CYP2C8: variants seen among roughly 807,000 people sequenced by gnomAD.
CYP2C8 encodes cytochrome P450 family 2 subfamily C member 8, also known as cytochrome P450 2C8.
CYP2C8 carries 51 observed loss-of-function variants against 41.3 expected under a neutral mutation model. The observed-to-expected ratio is 1.24, with a 90% CI of 0.99 to 1.56. The LOEUF (loss-of-function observed/expected upper bound fraction) is 1.56. Among genes scored for constraint, CYP2C8 ranks in the 40% most tolerant of loss-of-function variants. The pLI is 0.00. For missense variants in CYP2C8, 651 were observed against 579.9 expected (o/e 1.12, Z -1.26); for synonymous variants, 218 against 205.8 (o/e 1.06, Z -0.51).
intron 5 of CYP2C8, among the ~76,000 whole-genome samples, chr10:95,054,040 A>C (rs965092997): frequency 6.6e-6 from 1 of 152,170 alleles, no homozygotes; most frequent in Non-Finnish European, 1.5e-5. Flanking sequence ...AAAATCTAAA[A>C]GCTTATGCCC....
chr10:95,043,300 A>G (rs1434997460), intron 6 of CYP2C8, among the ~76,000 whole-genome samples: 1 of 152,236 alleles, frequency 6.6e-6, no homozygotes, highest in Non-Finnish European at 1.5e-5. Flanking sequence ...ATTTCTATAA[A>G]TTAGCATATA....
At position 95,038,984 on chromosome 10, in the gene CYP2C8, G is replaced by A. The variant is rs767654252; in HGVS notation, c.1204C>T (p.Pro402Ser). The change falls in exon 8 of 9, where the codon CCT (proline) becomes TCT (serine). Residue 402 changes from proline to serine, a missense_variant. Transcript: ENST00000371270. ...CCAGGGTCAAAGATATTTGGATTAG[G>A]AAATTCTTTGTCATCATGTAGCACG... ...TSVLHDDKEF[P>S]NPNIFDPGHF... The A allele has an allele frequency of 1.9e-6, 3 of 1,613,284 alleles. No individual in the cohort carries two copies. The highest frequency in any genetic ancestry group is 1.3e-5 in the African/African-American group (1 of 74,888).
chr10:95,047,598 A>G (rs1218784938), intron 5 of CYP2C8, among the ~76,000 whole-genome samples: 1 of 152,220 alleles, frequency 6.6e-6, no homozygotes, highest in Non-Finnish European at 1.5e-5. Flanking sequence ...TAAGTTCAGG[A>G]ATAAATAGGA....
In CYP2C8 at chr10:95,062,469, CT is replaced by C. The variant is rs1339758205; in HGVS notation, c.642+2330del. ...CAGAGATTAGGATTGCAACCCCTGC[CT>C]TTTTTTGTTTTCCATTTGCTTGATA... On this transcript the variant is annotated intron_variant, in intron 4 of 8. Coordinates refer to ENST00000371270, the MANE Select transcript of CYP2C8 (RefSeq NM_000770.3). Among the ~76,000 whole-genome samples, 6 of 152,132 alleles carry C rather than the reference CT, an allele frequency of 3.9e-5. No individual in the cohort carries two copies. The East Asian group carries it at 7.7e-4, about 20-fold the overall frequency.
rs759849180 is a variant in CYP2C8 at position 95,038,982 on chromosome 10, A to C, written c.1206T>G (p.Pro402=). The change falls in exon 8 of 9, where the codon CCT becomes CCG. Residue 402 remains proline (P), a synonymous_variant. Transcript: ENST00000371270. ...GGCCAGGGTCAAAGATATTTGGATT[A>C]GGAAATTCTTTGTCATCATGTAGCA... is the stretch of plus-strand genomic sequence containing the variant. ...TSVLHDDKEF[P]NPNIFDPGHF... is the part of the protein sequence containing the mutation. 6.2e-7 allele frequency: 1 copy of C among 1,613,504 alleles called. No homozygotes were observed. Among genetic ancestry groups the C allele is most frequent in the Non-Finnish European group, 8.5e-7 (1 of 1,179,358 alleles).
chr10:95,039,158 A>T (rs931285867), intron 7 of CYP2C8, 120 bp from the exon 8 acceptor site: 1 of 914,914 alleles, frequency 1.1e-6, no homozygotes, highest in Non-Finnish European at 1.8e-6. Flanking sequence ...GTCCAGCCAG[A>T]CACAGTAATT....
chr10:95,055,358 C>CA lies in CYP2C8; in HGVS notation c.819+2976dup, dbSNP rs563245879. Among the ~76,000 whole-genome samples, 539 of 150,062 alleles carry CA rather than the reference C, an allele frequency of 3.6e-3. 2 individuals are homozygous for CA. The highest frequency in any genetic ancestry group is 0.011 in the African/African-American group (464 of 41,020). ...ATCATTTAATCTAAAGGAAGAGTTTCAAAAAAAAATAAATAAATAAAGGAA... is the reference window on the plus strand; with the variant it reads ...ATCATTTAATCTAAAGGAAGAGTTTCAAAAAAAAAATAAATAAATAAAGGAA... On this transcript the variant is annotated intron_variant, in intron 5 of 8. Coordinates refer to ENST00000371270, the MANE Select transcript of CYP2C8 (RefSeq NM_000770.3).
At chr10:95,051,914 G>A (rs1266871804) in intron 5 of CYP2C8, among the ~76,000 whole-genome samples, 4 of 151,858 alleles carry the variant, frequency 2.6e-5, no homozygotes, top group Admixed American at 6.6e-5. Context: ...AAAAAACTAC[G>A]AAAGCTGGAG....
At position 95,062,172 on chromosome 10, in the gene CYP2C8, T is replaced by C. The variant is rs560491157; in HGVS notation, c.642+2628A>G. Among the ~76,000 whole-genome samples, 10 of 152,298 alleles carry C rather than the reference T, an allele frequency of 6.6e-5. No homozygotes were observed. In the East Asian group the frequency reaches 1.7e-3, roughly 26 times the overall value. On this transcript the variant is annotated intron_variant, in intron 4 of 8. Transcript: ENST00000371270. ...CTATTAGGTCCGCTTGGTGCAGAGCTGAGTTCAATTCCTGGATATCCTTGT... is the reference window on the plus strand; with the variant it reads ...CTATTAGGTCCGCTTGGTGCAGAGCCGAGTTCAATTCCTGGATATCCTTGT...
At chr10:95,054,488 CAG>C (rs913934606) in intron 5 of CYP2C8, among the ~76,000 whole-genome samples, 16 of 151,994 alleles carry the variant, frequency 1.1e-4, no homozygotes, top group Non-Finnish European at 7.4e-5. Context: ...ACCCCAAAAT[CAG>C]GGGGAAAAGA....
rs376655691 is a variant in CYP2C8 at position 95,045,765 on chromosome 10, C to G, written c.961+45G>C. On this transcript the variant is annotated intron_variant, in intron 6 of 8. Transcript: ENST00000371270. ...GTGGAGGATACTGGCACCATCTTCTCAGCATTGTTCTGAAATTCACTTTGT... is the reference window on the plus strand; with the variant it reads ...GTGGAGGATACTGGCACCATCTTCTGAGCATTGTTCTGAAATTCACTTTGT... The G allele has an allele frequency of 2.3e-5, 37 of 1,612,614 alleles. 1 individual carries two copies. In the African/African-American group the frequency reaches 4.9e-4, roughly 22 times the overall value.
chr10:95,066,168 GT>G (rs2033563287), intron 3 of CYP2C8, among the ~76,000 whole-genome samples: 1 of 141,218 alleles, frequency 7.1e-6, no homozygotes, highest in African/African-American at 2.9e-5. Context: ...GTGTGTGTGT[GT>G]GTGTGTGTGT....
chr10:95,049,569 G>A (rs1459350137), intron 5 of CYP2C8, among the ~76,000 whole-genome samples: 1 of 152,152 alleles, frequency 6.6e-6, no homozygotes, highest in Non-Finnish European at 1.5e-5. Context: ...GCCCTGGCCA[G>A]AGGTGAATCT....
intron 1 of CYP2C8, 56 bp from the exon 2 acceptor site, chr10:95,067,747 A>C: frequency 6.6e-7 from 1 of 1,510,532 alleles, no homozygotes; most frequent in Non-Finnish European, 9.2e-7. Flanking sequence ...TCCAAATACT[A>C]TGTATGATTC....
chr10:95,067,866 A>T (rs1189454533), intron 1 of CYP2C8, among the ~76,000 whole-genome samples, 175 bp from the exon 2 acceptor site: 2 of 152,198 alleles, frequency 1.3e-5, no homozygotes, highest in African/African-American at 2.4e-5. Context: ...GCTGCCACTT[A>T]TAGATGGCCT....
chr10:95,046,742 A>G (rs1297555394), intron 5 of CYP2C8, among the ~76,000 whole-genome samples: 1 of 119,656 alleles, frequency 8.4e-6, no homozygotes, highest in Non-Finnish European at 1.7e-5. Flanking sequence ...TCTATACTAA[A>G]TATGGTAAAA....
chr10:95,044,479 G>A (rs987045605), intron 6 of CYP2C8, among the ~76,000 whole-genome samples: 5 of 152,102 alleles, frequency 3.3e-5, no homozygotes, highest in African/African-American at 1.2e-4. Flanking sequence ...TTTCTATTAA[G>A]TTGGCAAAAT....
chr10:95,067,850 G>A (rs1175035654), intron 1 of CYP2C8, among the ~76,000 whole-genome samples, 159 bp from the exon 2 acceptor site: 1 of 152,198 alleles, frequency 6.6e-6, no homozygotes, highest in East Asian at 1.9e-4. Flanking sequence ...GATGGTGATT[G>A]TTATAGCTGC....
chr10:95,046,023 A>G, intron 5 of CYP2C8, 72 bp from the exon 6 acceptor site: 1 of 1,564,532 alleles, frequency 6.4e-7, no homozygotes, highest in Non-Finnish European at 8.8e-7. Flanking sequence ...ATTTTAAAAA[A>G]CATACTATTT....
Sources: allele counts gnomAD v4.1 joint callset (sites outside exome capture counted in the v4.1 genomes callset), GRCh38; gene constraint gnomAD v4.1.1; transcripts MANE v1.5; gene names NCBI Gene and HGNC (gene_info 2026-07-23, HGNC 2026-07-21).